The following MRPS18A variants were observed in gnomAD, a reference collection of about 807,000 sequenced individuals.
The protein encoded by MRPS18A is large ribosomal subunit protein mL66.
Under a neutral mutation model 22.7 loss-of-function variants are expected in MRPS18A, and 20 were observed. That is an observed-to-expected ratio of 0.88 (90% CI 0.62 to 1.28). MRPS18A has a LOEUF of 1.28. Among genes scored for constraint, MRPS18A ranks in the 50% most tolerant of loss-of-function variants. The pLI, the probability that MRPS18A is intolerant of heterozygous loss-of-function variation, is 0.00. For synonymous variants in MRPS18A, 106 were observed against 99.1 expected (o/e 1.07, Z -0.41); for missense variants, 294 against 262.6 (o/e 1.12, Z -0.83).
chr6:43,676,049 C>G (rs2127944905), intron 3 of MRPS18A, among the ~76,000 whole-genome samples: 1 of 152,126 alleles, frequency 6.6e-6, no homozygotes, highest in South Asian at 2.1e-4. Flanking sequence ...TGGGGTCTCG[C>G]TATGTTGCCC....
intron 5 of MRPS18A, chr6:43,672,263 G>A (rs1395684253): frequency 2.3e-6 from 1 of 437,508 alleles, no homozygotes; most frequent in Non-Finnish European, 4.7e-6. Flanking sequence ...GGGGCGAGAA[G>A]AGCTGATGTA....
rs1273999026 is a variant in MRPS18A, at chr6:43,671,842, T to C, written c.511A>G (p.Arg171Gly). Reference sequence around the variant, plus strand: ...GGTGACCCCACGGGCATGCGCACCCTGTTCCAGCGGGGGCCTTTTTTGTAG... The same window carrying C: ...GGTGACCCCACGGGCATGCGCACCCCGTTCCAGCGGGGGCCTTTTTTGTAG... ...PIYKKGPRWN[R>G]VRMPVGSPLL... The change falls in exon 6 of 6, where the codon AGG becomes GGG. Residue 171 changes from arginine (R) to glycine (G), a missense_variant. Coordinates refer to ENST00000372133, the MANE Select transcript of MRPS18A (RefSeq NM_018135.4). The C allele has an allele frequency of 1.2e-6, 2 of 1,614,130 alleles. No homozygotes were observed. Among genetic ancestry groups the C allele is most frequent in the Non-Finnish European group, 1.7e-6 (2 of 1,179,998 alleles).
intron 4 of MRPS18A, 101 bp downstream of exon 4, chr6:43,675,393 G>A: frequency 6.2e-7 from 1 of 1,602,528 alleles, no homozygotes; most frequent in Non-Finnish European, 8.5e-7. Context: ...TAACACTCCG[G>A]ATATCCACTT....
intron 3 of MRPS18A, among the ~76,000 whole-genome samples, chr6:43,676,983 C>T (rs1384367448): frequency 6.6e-6 from 1 of 152,194 alleles, no homozygotes; most frequent in East Asian, 1.9e-4. Flanking sequence ...CTTTGTGCAG[C>T]TCAGGATAAT....
In MRPS18A at chr6:43,673,828, C is replaced by G. The variant is rs569698080; in HGVS notation, c.446+1374G>C. On this transcript the variant is annotated intron_variant, in intron 5 of 5. Transcript: ENST00000372133. The surrounding 1 kb of genome is among the most constrained non-coding windows in gnomAD (Gnocchi z 4.2). Reference sequence around the variant, plus strand: ...AGCCTGAACTCCCCCTCCCGCTCAGCGTGGCCTTTTGCAACCGACTAGCCC... The same window carrying G: ...AGCCTGAACTCCCCCTCCCGCTCAGGGTGGCCTTTTGCAACCGACTAGCCC... 2.0e-5 allele frequency among the ~76,000 whole-genome samples: 3 copies of G among 152,360 alleles called. No homozygotes were observed. The highest frequency in any genetic ancestry group is 2.0e-4 in the Admixed American group (3 of 15,312).
At chr6:43,676,061 G>C (rs1774037745) in intron 3 of MRPS18A, among the ~76,000 whole-genome samples, 1 of 152,058 alleles carries the variant, frequency 6.6e-6, no homozygotes, top group Non-Finnish European at 1.5e-5. Flanking sequence ...ATGTTGCCCA[G>C]GTTGGTCTTG....
At chr6:43,676,861 C>A (rs1162679375) in intron 3 of MRPS18A, among the ~76,000 whole-genome samples, 1 of 152,180 alleles carries the variant, frequency 6.6e-6, no homozygotes, top group Non-Finnish European at 1.5e-5. Flanking sequence ...CAATTCCCAC[C>A]CCTGTACTTT....
intron 2 of MRPS18A, 39 bp from the exon 3 acceptor site, chr6:43,678,664 A>C (rs2295948): frequency 7.0e-7 from 1 of 1,429,112 alleles, no homozygotes; most frequent in African/African-American, 1.4e-5. Flanking sequence ...GAGAGACAGG[A>C]CCTGCGTGGA....
chr6:43,678,683 A>G (rs1398270300), intron 2 of MRPS18A, 58 bp from the exon 3 acceptor site: 2 of 1,243,176 alleles, frequency 1.6e-6, no homozygotes, highest in Non-Finnish European at 2.3e-6. Context: ...GAGCCACATT[A>G]TCTTTGCACA....
rs1773688553 is a variant in MRPS18A, at chr6:43,671,399, G to A, written c.*363C>T. On this transcript the variant is annotated 3_prime_UTR_variant, in exon 6 of 6. Coordinates refer to ENST00000372133, the MANE Select transcript of MRPS18A (RefSeq NM_018135.4). ...TGACTCAATGCTCAGCACCCAGCTGGCAATGTGCCCAGGACCCCCTGCACT... is the reference window on the plus strand; with the variant it reads ...TGACTCAATGCTCAGCACCCAGCTGACAATGTGCCCAGGACCCCCTGCACT... The A allele has an allele frequency of 5.0e-6, 2 of 400,484 alleles. No individual in the cohort carries two copies. Among genetic ancestry groups the A allele is most frequent in the Non-Finnish European group, 4.6e-6 (1 of 217,766 alleles). 24.8% of individuals were successfully genotyped at this position (400,484 alleles called of 1,614,324 possible). A position where few individuals can be genotyped will look rare whatever the true frequency, so the allele number is the denominator to read the frequency against.
rs756058099 is a variant in MRPS18A at position 43,671,899 on chromosome 6, T to C, written c.454A>G (p.Thr152Ala). 8.5e-5 allele frequency: 137 copies of C among 1,608,232 alleles called. 2 individuals are homozygous for C. In the South Asian group the frequency reaches 1.5e-3, roughly 17 times the overall value. ...TTGACGGAGCCAGGAGCCCAGCGCG[T>C]CAGGTACCTGTGGAGGGAGAACAAA... ...KSKPQLNRYL[T>A]RWAPGSVKPI... The change falls in exon 6 of 6, where the codon ACG becomes GCG. Residue 152 changes from threonine (T) to alanine (A), a missense_variant. Physicochemically the swap from Thr to Ala is moderately conservative, Grantham distance 58 (BLOSUM62 0). Transcript: ENST00000372133.
chr6:43,684,715 C>T (rs1184461833), intron 1 of MRPS18A, among the ~76,000 whole-genome samples: 1 of 152,194 alleles, frequency 6.6e-6, no homozygotes, highest in African/African-American at 2.4e-5. Flanking sequence ...CAGGCATACC[C>T]TTGTCTGAAA....
intron 1 of MRPS18A, 126 bp from the exon 2 acceptor site, chr6:43,681,246 C>T (rs2127950583): frequency 1.0e-6 from 1 of 962,970 alleles, no homozygotes; most frequent in Non-Finnish European, 1.6e-6. Context: ...TCATGGTCTC[C>T]ACCTAGAACA....
At chr6:43,671,994 C>T in intron 5 of MRPS18A, 88 bp from the exon 6 acceptor site, 2 of 1,414,166 alleles carry the variant, frequency 1.4e-6, no homozygotes, top group African/African-American at 1.4e-5. Context: ...TCAGGCCAGG[C>T]CACGGTTGGG....
intron 3 of MRPS18A, among the ~76,000 whole-genome samples, chr6:43,677,823 C>A (rs1774144211): frequency 6.6e-6 from 1 of 152,156 alleles, no homozygotes; most frequent in Non-Finnish European, 1.5e-5. Flanking sequence ...CAGTGCCCGA[C>A]AGAGTATGCA....
chr6:43,677,050 G>A (rs530032238), intron 3 of MRPS18A, among the ~76,000 whole-genome samples: 32 of 152,306 alleles, frequency 2.1e-4, no homozygotes, highest in Admixed American at 1.3e-3. Context: ...TACCTCAGCC[G>A]GGATTAGATT....
chr6:43,679,649 G>A (rs183131958), intron 2 of MRPS18A, among the ~76,000 whole-genome samples: 161 of 152,198 alleles, frequency 1.1e-3, no homozygotes, highest in Admixed American at 4.3e-3. Flanking sequence ...AGGCTGGGAC[G>A]GGTCTGAGAG....
At chr6:43,682,305 A>G (rs528288866) in intron 1 of MRPS18A, among the ~76,000 whole-genome samples, 2 of 152,226 alleles carry the variant, frequency 1.3e-5, no homozygotes, top group South Asian at 4.1e-4. Context: ...TCTCAAATAA[A>G]CAAACAAACA....
Position 43,675,197 on chromosome 6 carries a change from C to T in MRPS18A, c.446+5G>A, listed in dbSNP as rs1370149572. 5.9e-6 allele frequency: 9 copies of T among 1,512,752 alleles called. No individual in the cohort carries two copies. Among genetic ancestry groups the T allele is most frequent in the South Asian group, 1.3e-5 (1 of 74,398 alleles). 93.7% of individuals were successfully genotyped at this position (1,512,752 alleles called of 1,614,324 possible). On this transcript the variant is annotated splice_donor_5th_base_variant and intron_variant, in intron 5 of 5. Transcript: ENST00000372133. The stretch of plus-strand genomic sequence containing the variant: ...CTCAGGTTGTTCACACCCAGGCTTG[C>T]TTACCGGTTGAGTTGGGGTTTGCTC...
Sources: gnomAD v4.1 joint callset for allele counts (sites outside exome capture counted in the v4.1 genomes callset) on GRCh38, gnomAD v4.1.1 for gene constraint, Gnocchi (gnomAD v3.1) non-coding constraint, MANE v1.5 for transcripts, NCBI Gene and HGNC (gene_info 2026-07-23, HGNC 2026-07-21) for gene names.